Variants in TBX19 observed in about 807,000 individuals in gnomAD.
TBX19 encodes the protein T-box transcription factor 19.
In TBX19, 33 loss-of-function variants were observed where a neutral mutation model predicts 40.9. The ratio of observed to expected loss-of-function variants is 0.81; its 90% confidence interval spans 0.61 to 1.08. TBX19 has a LOEUF of 1.08. Among genes scored for constraint, TBX19 ranks in the 50% least tolerant of loss-of-function variants. TBX19 has a pLI of 0.00. For missense variants in TBX19, 494 were observed against 574.0 expected (o/e 0.86, Z 1.42); for synonymous variants, 220 against 225.0 (o/e 0.98, Z 0.20).
intron 4 of TBX19, among the ~76,000 whole-genome samples, chr1:168,299,432 A>G (rs61137531): frequency 0.013 from 2,000 of 152,320 alleles, 44 homozygotes; most frequent in African/African-American, 0.045. Flanking sequence ...ACAGATGTTC[A>G]TAATGATGCA....
At chr1:168,301,031 G>A (rs968544299) in intron 5 of TBX19, among the ~76,000 whole-genome samples, 2 of 152,236 alleles carry the variant, frequency 1.3e-5, no homozygotes, top group South Asian at 4.1e-4. Context: ...TCCCAGGATG[G>A]TGGAGGGAAT....
intron 3 of TBX19, among the ~76,000 whole-genome samples, chr1:168,296,451 A>T (rs1649105809): frequency 2.0e-5 from 3 of 152,190 alleles, no homozygotes; most frequent in Admixed American, 6.5e-5. Flanking sequence ...TTACATGGTG[A>T]CAGGCAAAGA....
Position 168,308,861 on chromosome 1 carries a change from A to G in TBX19, c.1036A>G (p.Ile346Val), listed in dbSNP as rs113436244. 42 of 1,613,880 alleles carry G rather than the reference A, an allele frequency of 2.6e-5. No individual in the cohort carries two copies. Among genetic ancestry groups the G allele is most frequent in the African/African-American group, 2.0e-4 (15 of 74,854 alleles). The change falls in exon 7 of 8, where the codon ATC (isoleucine) becomes GTC (valine). Residue 346 changes from isoleucine (I) to valine (V), a missense_variant. By Grantham distance (29) the Ile-to-Val change is conservative. Around this residue, in one of 3 missense-constraint regions of TBX19, gnomAD observed 284 missense variants for 307.3 expected, o/e 0.92. Coordinates refer to ENST00000367821, the MANE Select transcript of TBX19 (RefSeq NM_005149.3). The part of the protein sequence containing the change: ...ILSVPHTNGP[I>V]NPGPSPYPCL... ...GTCTGTACCCCACACCAACGGACCA[A>G]TCAATCCAGGGCCCAGGTAAGACCA... is the stretch of plus-strand genomic sequence containing the variant.
At chr1:168,308,938 G>C in intron 7 of TBX19, 61 bp downstream of exon 7, 1 of 1,610,508 alleles carries the variant, frequency 6.2e-7, no homozygotes, top group Non-Finnish European at 8.5e-7. Context: ...TAGCACTGGG[G>C]ACTCAAGTTC....
rs34342577 is a variant in TBX19, at chr1:168,291,418, C to T, written c.462C>T (p.Gly154=). 1,032 of 1,614,124 alleles carry T rather than the reference C, an allele frequency of 6.4e-4. 10 individuals carry two copies. The African/African-American group carries it at 0.012, about 18-fold the overall frequency. Residue 154 remains glycine (G), a synonymous_variant, in exon 2 of 8, where the codon GGC becomes GGT. Transcript: ENST00000367821. ...AGCTGACCAACAAGCTCAATGGAGG[C>T]GGGCAGGTACGAATGAGGCGGGCAG... ...KVKLTNKLNG[G]GQIMLNSLHK... is the part of the protein sequence containing the mutation.
In TBX19 at chr1:168,281,063, G is replaced by A. The variant is rs1199982338; in HGVS notation, c.-28G>A. ...GCTAGAAGCAGGCAAGTTGGGTAAC[G>A]GCTCTCGGCAAAGTTCGAGAAGTGC... is the stretch of plus-strand genomic sequence containing the variant. On this transcript the variant is annotated 5_prime_UTR_variant, in exon 1 of 8. Transcript: ENST00000367821. 3.7e-6 allele frequency: 6 copies of A among 1,612,128 alleles called. No individual in the cohort carries two copies. In the African/African-American group the frequency reaches 4.0e-5, roughly 11 times the overall value.
chr1:168,298,822 C>CCCTCCCTCCCTTCCTTTCCTTCCTTCTTT (rs1553289837), intron 4 of TBX19, among the ~76,000 whole-genome samples: 2 of 9,786 alleles, frequency 2.0e-4, no homozygotes, highest in Non-Finnish European at 1.8e-4. Flanking sequence ...TCCCTCCCTT[C>CCCTCCCTCCCTTCCTTTCCTTCCTTCTTT]CTTTCTTTCT....
At chr1:168,293,337 T>C (rs1175052688) in intron 3 of TBX19, 59 bp downstream of exon 3, 5 of 1,510,256 alleles carry the variant, frequency 3.3e-6, no homozygotes, top group Admixed American at 4.0e-5. Context: ...AACTGTCACC[T>C]GGGAGATCAT....
At chr1:168,304,915 A>G (rs1401627853) in intron 5 of TBX19, 93 bp from the exon 6 acceptor site, 6 of 1,297,976 alleles carry the variant, frequency 4.6e-6, no homozygotes, top group Non-Finnish European at 6.6e-6. Context: ...TGTCATTTAC[A>G]AGAATTGTAG....
At chr1:168,281,359 A>G in intron 1 of TBX19, 66 bp downstream of exon 1, 2 of 1,453,702 alleles carry the variant, frequency 1.4e-6, no homozygotes, top group Non-Finnish European at 1.9e-6. Context: ...CCCCTTGAAT[A>G]TTGAAGAGGC....
At chr1:168,282,683 G>A (rs1220453060) in intron 1 of TBX19, among the ~76,000 whole-genome samples, 1 of 152,034 alleles carries the variant, frequency 6.6e-6, no homozygotes, top group African/African-American at 2.4e-5. Context: ...TTCTTAATTG[G>A]ATTTAGTCTC....
chr1:168,311,945 T>A (rs1029591479), intron 7 of TBX19, among the ~76,000 whole-genome samples: 4 of 152,158 alleles, frequency 2.6e-5, no homozygotes, highest in East Asian at 1.9e-4. Flanking sequence ...AATATTACTT[T>A]AAAAACCCCC....
chr1:168,306,919 G>T (rs1369713116), intron 6 of TBX19, among the ~76,000 whole-genome samples: 1 of 152,200 alleles, frequency 6.6e-6, no homozygotes, highest in Non-Finnish European at 1.5e-5. Flanking sequence ...AGCAAAGGCT[G>T]CCCAGAGGGG....
At chr1:168,291,965 A>G (rs965039264) in intron 2 of TBX19, among the ~76,000 whole-genome samples, 1 of 152,190 alleles carries the variant, frequency 6.6e-6, no homozygotes, top group Non-Finnish European at 1.5e-5. Context: ...CTCCAATTAG[A>G]GTAAACAAGC....
chr1:168,291,664 A>G (rs1020521907), intron 2 of TBX19, among the ~76,000 whole-genome samples: 1 of 152,036 alleles, frequency 6.6e-6, no homozygotes. Flanking sequence ...TTACTTAATC[A>G]CCGGGGCCCT....
chr1:168,312,297 T>C (rs1310324078), intron 7 of TBX19, among the ~76,000 whole-genome samples: 1 of 152,228 alleles, frequency 6.6e-6, no homozygotes, highest in Non-Finnish European at 1.5e-5. Flanking sequence ...GATTTAAACT[T>C]AAGTCTTCTG....
chr1:168,298,188 T>C (rs2102357611), intron 4 of TBX19, among the ~76,000 whole-genome samples: 1 of 152,224 alleles, frequency 6.6e-6, no homozygotes, highest in Admixed American at 6.5e-5. Context: ...AGAGCGAGAC[T>C]CCGTCTCAGA....
intron 7 of TBX19, 56 bp from the exon 8 acceptor site, chr1:168,312,652 C>T: frequency 6.3e-7 from 1 of 1,592,990 alleles, no homozygotes; most frequent in Non-Finnish European, 8.5e-7. Context: ...TCAGGTGGCA[C>T]TCCTTCCTTG....
At chr1:168,310,232 G>A (rs1649489383) in intron 7 of TBX19, among the ~76,000 whole-genome samples, 1 of 151,890 alleles carries the variant, frequency 6.6e-6, no homozygotes, top group South Asian at 2.1e-4. Context: ...AACTCAGGAG[G>A]CGGAGGTTGC....
Sources: allele counts gnomAD v4.1 joint callset (sites outside exome capture counted in the v4.1 genomes callset), GRCh38; gene constraint gnomAD v4.1.1; regional missense constraint gnomAD v4.1.1; transcripts MANE v1.5; gene names NCBI Gene and HGNC (gene_info 2026-07-23, HGNC 2026-07-21).